ODAD3: variants seen among roughly 807,000 people sequenced by gnomAD.
ODAD3 encodes the protein outer dynein arm docking complex subunit 3.
ODAD3 carries 57 observed loss-of-function variants against 70.9 expected under a neutral mutation model. The ratio of observed to expected loss-of-function variants is 0.80; its 90% confidence interval spans 0.65 to 1.00. ODAD3 has a LOEUF of 1.00. Among genes scored for constraint, ODAD3 ranks in the 50% least tolerant of loss-of-function variants. The pLI is 0.00. For missense variants in ODAD3, 797 were observed against 763.9 expected (o/e 1.04, Z -0.51); for synonymous variants, 327 against 315.9 (o/e 1.04, Z -0.37).
At chr19:11,435,717 A>C, upstream of ODAD3, 1 of 1,326,548 alleles carries the variant, frequency 7.5e-7, no homozygotes, top group Non-Finnish European at 9.9e-7. Context: ...GTAGGTGTGA[A>C]CGAGCGGGTG....
chr19:11,427,513 G>A (rs1226369956), intron 3 of ODAD3, among the ~76,000 whole-genome samples: 1 of 141,376 alleles, frequency 7.1e-6, no homozygotes, highest in East Asian at 2.1e-4. Flanking sequence ...ACGGAGTCTC[G>A]CTCTGTCGCC....
chr19:11,426,305 C>T (rs960234246), intron 6 of ODAD3, 39 bp from the exon 7 acceptor site: 16 of 1,610,984 alleles, frequency 9.9e-6, no homozygotes, highest in Non-Finnish European at 1.4e-5. Context: ...CCAGCTGGCA[C>T]CTACCACTGC....
intron 7 of ODAD3, among the ~76,000 whole-genome samples, chr19:11,425,297 A>ATGTGTG (rs1969300724): frequency 2.2e-5 from 3 of 136,036 alleles, no homozygotes; most frequent in Non-Finnish European, 4.6e-5. Flanking sequence ...ATATGTGTAT[A>ATGTGTG]TATGTGTATG....
chr19:11,425,452 T>C (rs1007544403), intron 7 of ODAD3, among the ~76,000 whole-genome samples: 10 of 116,398 alleles, frequency 8.6e-5, no homozygotes, highest in Non-Finnish European at 1.5e-4. Context: ...TATATATACA[T>C]ATATGTGTGT....
At position 11,425,047 on chromosome 19, in the gene ODAD3, ATATATGTG is replaced by A. The variant is rs1219246551; in HGVS notation, c.964-1026_964-1019del. 7.0e-3 allele frequency among the ~76,000 whole-genome samples: 889 copies of A among 127,832 alleles called. 39 individuals carry two copies. Among genetic ancestry groups the A allele is most frequent in the Non-Finnish European group, 9.1e-3 (595 of 65,214 alleles). The allele number at this position is 127,832 out of a possible 152,430, so 83.9% of individuals were successfully genotyped here. A position where few individuals can be genotyped will look rare whatever the true frequency, so the allele number is the denominator to read the frequency against. ...CATATGTGCATATATACATATGTGTATATATGTGTATATGTGTATATATGTATATGTGT... is the reference window on the plus strand; with the variant it reads ...CATATGTGCATATATACATATGTGTATATATGTGTATATATGTATATGTGT... On this transcript the variant is annotated intron_variant, in intron 7 of 12. Transcript: ENST00000356392.
At chr19:11,423,155 C>T (rs1359977077) in intron 8 of ODAD3, among the ~76,000 whole-genome samples, 2 of 152,232 alleles carry the variant, frequency 1.3e-5, no homozygotes, top group African/African-American at 4.8e-5. Flanking sequence ...AATCAAAGTG[C>T]CATCAATTTC....
rs1313745387 is a variant in ODAD3, at chr19:11,426,676, TC to T, written c.714+6del. The T allele has an allele frequency of 6.2e-7, 1 of 1,613,844 alleles. No individual in the cohort carries two copies. The highest frequency in any genetic ancestry group is 2.2e-5 in the East Asian group (1 of 44,874). On this transcript the variant is annotated splice_donor_region_variant and intron_variant, in intron 5 of 12. Transcript: ENST00000356392. Reference sequence around the variant, plus strand: ...TGTCATCTCACCCGAGCCCTCCTAGTCCCTACCATTAGATAGGCCTTGAGCT... The same window carrying T: ...TGTCATCTCACCCGAGCCCTCCTAGTCCTACCATTAGATAGGCCTTGAGCT...
rs969762822 is a variant in ODAD3, at chr19:11,422,419, G to A, written c.1434+52C>T. 6.8e-6 allele frequency: 10 copies of A among 1,474,202 alleles called. No individual in the cohort carries two copies. The African/African-American group carries it at 1.4e-4, about 21-fold the overall frequency. The allele number at this position is 1,474,202 out of a possible 1,614,324, so 91.3% of individuals were successfully genotyped here. The stretch of plus-strand genomic sequence containing the variant: ...GGCAGGAACCCCGCTTCGTGGCTGC[G>A]CCTCTGCGGTCCCAGGAGGGCCTGT... On this transcript the variant is annotated intron_variant, in intron 10 of 12. Transcript: ENST00000356392. The surrounding 1 kb of genome is among the most constrained non-coding windows in gnomAD (Gnocchi z 4.6).
rs755272562 is a variant in ODAD3 at position 11,426,445 on chromosome 19, C to T, written c.840+1G>A. 2 of 1,614,004 alleles carry T rather than the reference C, an allele frequency of 1.2e-6. No individual in the cohort carries two copies. Among genetic ancestry groups the T allele is most frequent in the African/African-American group, 2.7e-5 (2 of 74,996 alleles). On this transcript the variant is annotated splice_donor_variant, in intron 6 of 12. Coordinates refer to ENST00000356392, the MANE Select transcript of ODAD3 (RefSeq NM_145045.5). LOFTEE classifies it high-confidence loss of function. ...ATGGCCGAGGGCAAGAGGGGTGGCA[C>T]CTTGGCAATGTCCCGGGCATTGAGG...
rs377055121 is a variant in ODAD3 at position 11,420,964 on chromosome 19, G to A, written c.1676-17C>T. On this transcript the variant is annotated splice_polypyrimidine_tract_variant and intron_variant, in intron 12 of 12. Transcript: ENST00000356392. Reference sequence around the variant, plus strand: ...TCTCTTCGTCTAAGGGGGGTGGGGGGATGAGCAGGGAGCGATGTGGGATCC... The same window carrying A: ...TCTCTTCGTCTAAGGGGGGTGGGGGAATGAGCAGGGAGCGATGTGGGATCC... 7 of 1,603,514 alleles carry A rather than the reference G, an allele frequency of 4.4e-6. No individual in the cohort carries two copies. Among genetic ancestry groups the A allele is most frequent in the African/African-American group, 1.3e-5 (1 of 74,616 alleles).
In ODAD3 at chr19:11,430,752, C is replaced by T; in HGVS notation, c.391G>A (p.Val131Met). The T allele has an allele frequency of 6.2e-7, 1 of 1,614,112 alleles. No individual in the cohort carries two copies. Among genetic ancestry groups the T allele is most frequent in the Non-Finnish European group, 8.5e-7 (1 of 1,180,020 alleles). The change falls in exon 3 of 13, where the codon GTG (valine) becomes ATG (methionine). Residue 131 changes from valine to methionine, a missense_variant. Val to Met is a conservative substitution (Grantham distance 21). Transcript: ENST00000356392. ...TTCTCCCACTTCCATTCGCGAATCA[C>T]TGCCTGGACCACTTTCTCATCTCCC... ...LKGDEKVVQA[V>M]IREWKWEKPY...
chr19:11,425,638 T>TGC (rs1969347829), intron 7 of ODAD3, among the ~76,000 whole-genome samples: 1 of 141,598 alleles, frequency 7.1e-6, no homozygotes, highest in African/African-American at 2.9e-5. Flanking sequence ...TATATGTATA[T>TGC]ATATGTATAT....
chr19:11,424,139 G>T, intron 7 of ODAD3, 110 bp from the exon 8 acceptor site: 1 of 1,348,396 alleles, frequency 7.4e-7, no homozygotes, highest in Non-Finnish European at 1.0e-6. Context: ...GCTCAAACTG[G>T]AGGGAAGGGA....
At position 11,425,221 on chromosome 19, in the gene ODAD3, A is replaced by G. The variant is rs1026071421; in HGVS notation, c.963+923T>C. ...TGTGTATGTGTACATATGTGTATAT[A>G]TGTGTGTATATGTACATATGTGTAT... On this transcript the variant is annotated intron_variant, in intron 7 of 12. Coordinates refer to ENST00000356392, the MANE Select transcript of ODAD3 (RefSeq NM_145045.5). Among the ~76,000 whole-genome samples, 65 of 120,662 alleles carry G rather than the reference A, an allele frequency of 5.4e-4. 11 individuals are homozygous for G. Among genetic ancestry groups the G allele is most frequent in the African/African-American group, 2.2e-3 (49 of 22,220 alleles). The allele number at this position is 120,662 out of a possible 152,430, so 79.2% of individuals were successfully genotyped here. A position where few individuals can be genotyped will look rare whatever the true frequency, so the allele number is the denominator to read the frequency against.
chr19:11,429,005 G>A (rs1969447312), intron 3 of ODAD3, among the ~76,000 whole-genome samples: 1 of 151,748 alleles, frequency 6.6e-6, no homozygotes, highest in Non-Finnish European at 1.5e-5. Context: ...AGCCTCCTGA[G>A]TAGCTGGGAT....
At position 11,425,331 on chromosome 19, in the gene ODAD3, ATG is replaced by A. The variant is rs1222317673; in HGVS notation, c.963+811_963+812del. Among the ~76,000 whole-genome samples, 297 of 127,276 alleles carry A rather than the reference ATG, an allele frequency of 2.3e-3. 14 individuals are homozygous for A. The highest frequency in any genetic ancestry group is 9.6e-3 in the Middle Eastern group (1 of 104). The allele number at this position is 127,276 out of a possible 152,430, so 83.5% of individuals were successfully genotyped here. On this transcript the variant is annotated intron_variant, in intron 7 of 12. Coordinates refer to ENST00000356392, the MANE Select transcript of ODAD3 (RefSeq NM_145045.5). ...TGTGTACATATGTGTATATGTACAT[ATG>A]TGTATATATGTATATATGTGTATAT... is the stretch of plus-strand genomic sequence containing the variant.
intron 1 of ODAD3, among the ~76,000 whole-genome samples, chr19:11,432,857 A>C (rs1282601791): frequency 6.6e-6 from 1 of 151,482 alleles, no homozygotes; most frequent in Non-Finnish European, 1.5e-5. Flanking sequence ...GCAGTGGCGC[A>C]ATCCTGGCTC....
Position 11,424,013 on chromosome 19 carries a change from A to G in ODAD3, c.980T>C (p.Leu327Pro). The change falls in exon 8 of 13, where the codon CTG (leucine) becomes CCG (proline). Residue 327 changes from leucine (L) to proline (P), a missense_variant. Leu to Pro is a moderately conservative substitution (Grantham distance 98). Coordinates refer to ENST00000356392, the MANE Select transcript of ODAD3 (RefSeq NM_145045.5). ...RMERKTHREH[L>P]LLQSDDTIQD... Reference sequence around the variant, plus strand: ...GATGGTGTCGTCGGACTGTAGCAGCAGGTGCTCGCGGTGGGTCTGCTCGTG... The same window carrying G: ...GATGGTGTCGTCGGACTGTAGCAGCGGGTGCTCGCGGTGGGTCTGCTCGTG... The G allele has an allele frequency of 6.2e-7, 1 of 1,610,342 alleles. No homozygotes were observed. Among genetic ancestry groups the G allele is most frequent in the Non-Finnish European group, 8.5e-7 (1 of 1,179,760 alleles).
Position 11,423,945 on chromosome 19 carries a change from A to G in ODAD3, c.1048T>C (p.Trp350Arg). ...ATCACCTCCATCTGGTACATGCTCC[A>G]GCGCTGCCGCAGCTCCTCCTCCTTG... ...HAKEEELRQRWSMYQMEVIFG... is the reference protein window; with the variant it reads ...HAKEEELRQRRSMYQMEVIFG... The change falls in exon 8 of 13, where the codon TGG (tryptophan) becomes CGG (arginine). Residue 350 changes from tryptophan (W) to arginine (R), a missense_variant. Coordinates refer to ENST00000356392, the MANE Select transcript of ODAD3 (RefSeq NM_145045.5). 6.2e-7 allele frequency: 1 copy of G among 1,613,398 alleles called. No homozygotes were observed. The highest frequency in any genetic ancestry group is 8.5e-7 in the Non-Finnish European group (1 of 1,179,958).
Sources: allele counts gnomAD v4.1 joint callset (sites outside exome capture counted in the v4.1 genomes callset), GRCh38; gene constraint gnomAD v4.1.1; non-coding constraint Gnocchi (gnomAD v3.1); transcripts MANE v1.5; gene names NCBI Gene and HGNC (gene_info 2026-07-23, HGNC 2026-07-21).